Variants in USP34 observed in about 807,000 individuals in gnomAD.
USP34 encodes the protein ubiquitin specific peptidase 34.
USP34 carries 70 observed loss-of-function variants against 460.3 expected under a neutral mutation model. The ratio of observed to expected loss-of-function variants is 0.15; its 90% CI spans 0.13 to 0.19. The LOEUF (loss-of-function observed/expected upper bound fraction) is 0.19. Ranked by LOEUF, USP34 falls within the 10% of genes least tolerant of loss-of-function variation. USP34 has a pLI of 1.00. For synonymous variants in USP34, 1,647 were observed against 1,405.3 expected (o/e 1.17, Z -3.85); for missense variants, 3,985 against 4,236.2 (o/e 0.94, Z 1.65).
chr2:61,438,449 C>A (rs1261494217), intron 1 of USP34, among the ~76,000 whole-genome samples: 1 of 151,952 alleles, frequency 6.6e-6, no homozygotes, highest in Non-Finnish European at 1.5e-5. Context: ...CCCGTTTCTA[C>A]CAAAACTACA....
At chr2:61,296,985 T>C in intron 29 of USP34, 60 bp from the exon 30 acceptor site, 1 of 1,514,870 alleles carries the variant, frequency 6.6e-7, no homozygotes, top group African/African-American at 1.4e-5. Flanking sequence ...AGTTTTAAGT[T>C]CAAATTTTTG....
In USP34 at chr2:61,313,242, T is replaced by C. The variant is rs551450005; in HGVS notation, c.3543-1332A>G. Among the ~76,000 whole-genome samples, 681 of 152,244 alleles carry C rather than the reference T, an allele frequency of 4.5e-3. 3 individuals are homozygous for C. The highest frequency in any genetic ancestry group is 7.3e-3 in the Non-Finnish European group (498 of 67,996). ...GATATCAAGGACATAACAATTTTTTTTTTCACAACAGAAAAAAATTTGTAC... is the reference window on the plus strand; with the variant it reads ...GATATCAAGGACATAACAATTTTTTCTTTCACAACAGAAAAAAATTTGTAC... On this transcript the variant is annotated intron_variant, in intron 25 of 79. Transcript: ENST00000398571.
intron 38 of USP34, 59 bp from the exon 39 acceptor site, chr2:61,280,407 C>A (rs1689498881): frequency 2.4e-6 from 2 of 837,958 alleles, no homozygotes; most frequent in Non-Finnish European, 3.4e-6. Context: ...AATTATAATA[C>A]ATTTAAGAAA....
chr2:61,265,445 C>T lies in USP34; in HGVS notation c.5730G>A (p.Gln1910=). Residue 1910 remains glutamine, a synonymous_variant, in exon 43 of 80, where the codon CAG becomes CAA. Transcript: ENST00000398571. ...TTGCCTCAGGTATCATATAAAGTTG[C>T]TGAATAGTAGAAGCTAAGTAACAAG... ...GATCYLASTI[Q]QLYMIPEARQ... is the part of the protein sequence containing the mutation. 6.2e-7 allele frequency: 1 copy of T among 1,613,110 alleles called. No individual in the cohort carries two copies.
At position 61,420,749 on chromosome 2, in the gene USP34, T is replaced by C. The variant is rs1330290682; in HGVS notation, c.128A>G (p.Gln43Arg). ...KIFTYINSWT[Q>R]RQCLCCFKEY... The stretch of plus-strand genomic sequence containing the variant: ...CGAAATACCTAAAGATGCATACCTC[T>C]GTGTCCAGGAATTGATATAAGTAAA... Residue 43 changes from glutamine (Q) to arginine (R), a missense_variant, in exon 2 of 80, where the codon CAG (glutamine) becomes CGG (arginine). Around this residue, in one of 14 missense-constraint regions of USP34, gnomAD observed 331 missense variants for 293.7 expected, o/e 1.13. Transcript: ENST00000398571. 2 of 1,605,156 alleles carry C rather than the reference T, an allele frequency of 1.2e-6. No individual in the cohort carries two copies. The highest frequency in any genetic ancestry group is 1.7e-6 in the Non-Finnish European group (2 of 1,176,204).
chr2:61,217,647 G>A (rs1687441301), intron 67 of USP34, among the ~76,000 whole-genome samples: 1 of 152,156 alleles, frequency 6.6e-6, no homozygotes, highest in South Asian at 2.1e-4. Flanking sequence ...CGCTAAAACA[G>A]TATTACTGAC....
chr2:61,315,047 A>G (rs762495488), intron 23 of USP34, 73 bp from the exon 24 acceptor site: 83 of 1,176,402 alleles, frequency 7.1e-5, no homozygotes, highest in Non-Finnish European at 9.4e-5. Context: ...TGAAGTATCA[A>G]AAGTAAAAAT....
intron 1 of USP34, among the ~76,000 whole-genome samples, chr2:61,468,930 C>CA: frequency 6.6e-6 from 1 of 152,238 alleles, no homozygotes; most frequent in East Asian, 1.9e-4. Flanking sequence ...TAAAATCAGC[C>CA]AGGCGCAGTG....
At chr2:61,219,210 G>A (rs1011608258) in intron 67 of USP34, among the ~76,000 whole-genome samples, 3 of 152,114 alleles carry the variant, frequency 2.0e-5, no homozygotes, top group African/African-American at 7.2e-5. Flanking sequence ...TTTCAGGTTA[G>A]CTCTGTGTTT....
chr2:61,422,795 T>C (rs1694400302), intron 1 of USP34, among the ~76,000 whole-genome samples: 1 of 151,992 alleles, frequency 6.6e-6, no homozygotes, highest in African/African-American at 2.4e-5. Context: ...GCTTAGGAGG[T>C]CAAGACCAGC....
chr2:61,415,579 G>C (rs1339657619), intron 2 of USP34, among the ~76,000 whole-genome samples: 1 of 152,176 alleles, frequency 6.6e-6, no homozygotes, highest in African/African-American at 2.4e-5. Context: ...AATATAAGAA[G>C]AGTGTTTCAG....
chr2:61,343,912 C>G lies in USP34; in HGVS notation c.2403G>C (p.Glu801Asp). The change falls in exon 16 of 80, where the codon GAG becomes GAC. Residue 801 changes from glutamate to aspartate, a missense_variant. Physicochemically the swap from Glu to Asp is conservative, Grantham distance 45 (BLOSUM62 2). Coordinates refer to ENST00000398571, the MANE Select transcript of USP34 (RefSeq NM_014709.4). ...DFDGEESGCE[E>D]ELVQINSHAE... Reference sequence around the variant, plus strand: ...CATGTGAATTAATCTGAACTAGCTCCTCTTCACATCCAGATTCTTCACCAT... The same window carrying G: ...CATGTGAATTAATCTGAACTAGCTCGTCTTCACATCCAGATTCTTCACCAT... 6.2e-7 allele frequency: 1 copy of G among 1,613,954 alleles called. No homozygotes were observed. The highest frequency in any genetic ancestry group is 8.5e-7 in the Non-Finnish European group (1 of 1,179,916).
intron 7 of USP34, among the ~76,000 whole-genome samples, chr2:61,379,710 G>A (rs891174520): frequency 6.6e-6 from 1 of 152,200 alleles, no homozygotes; most frequent in Non-Finnish European, 1.5e-5. Flanking sequence ...ACCAAGAGAA[G>A]CCAAGAATAC....
chr2:61,368,067 G>A (rs1055594370), intron 10 of USP34, among the ~76,000 whole-genome samples: 3 of 152,198 alleles, frequency 2.0e-5, no homozygotes, highest in Admixed American at 6.5e-5. Flanking sequence ...GATTATGGGT[G>A]ACAGGGTCTC....
chr2:61,312,600 C>T (rs1690629262), intron 25 of USP34, among the ~76,000 whole-genome samples: 2 of 151,950 alleles, frequency 1.3e-5, no homozygotes, highest in East Asian at 3.9e-4. Flanking sequence ...CTAATTTCCA[C>T]ATGATCCAAT....
At chr2:61,356,106 G>A (rs1281504027) in intron 10 of USP34, among the ~76,000 whole-genome samples, 1 of 151,664 alleles carries the variant, frequency 6.6e-6, no homozygotes, top group Non-Finnish European at 1.5e-5. Flanking sequence ...GTACTCCCAT[G>A]ATCACTACAG....
chr2:61,234,909 T>G (rs1241018304), intron 57 of USP34, among the ~76,000 whole-genome samples: 10 of 152,370 alleles, frequency 6.6e-5, no homozygotes, highest in Admixed American at 1.3e-4. Context: ...GTGCTGGGAT[T>G]ACAGGCGTGA....
At chr2:61,346,691 G>C (rs2694649) in intron 15 of USP34, among the ~76,000 whole-genome samples, 2 of 129,304 alleles carry the variant, frequency 1.5e-5, no homozygotes, top group East Asian at 2.5e-4. Flanking sequence ...AGGCATGGGT[G>C]GGGGGTGGGG....
At chr2:61,378,211 T>C in intron 8 of USP34, 152 bp downstream of exon 8, 1 of 570,788 alleles carries the variant, frequency 1.8e-6, no homozygotes, top group Non-Finnish European at 3.1e-6. Flanking sequence ...ACAGACAGCA[T>C]AATGTTCTGA....
Sources: allele counts gnomAD v4.1 joint callset (sites outside exome capture counted in the v4.1 genomes callset), GRCh38; gene constraint gnomAD v4.1.1; regional missense constraint gnomAD v4.1.1; transcripts MANE v1.5; gene names NCBI Gene and HGNC (gene_info 2026-07-23, HGNC 2026-07-21).